Variants in CNOT1 observed in about 807,000 individuals in gnomAD.
The protein encoded by CNOT1 is CCR4-NOT transcription complex subunit 1.
CNOT1 carries 15 observed loss-of-function variants against 273.8 expected under a neutral mutation model. The observed-to-expected ratio is 0.05, with a 90% confidence interval of 0.04 to 0.08. The LOEUF (loss-of-function observed/expected upper bound fraction) is 0.08, where lower values mean the gene tolerates loss of function less well. Among genes scored for constraint, CNOT1 ranks in the 10% least tolerant of loss-of-function variants. The probability of loss-of-function intolerance (pLI) is 1.00; values close to 1 mark genes in which losing one functional copy is unlikely to be tolerated. For missense variants in CNOT1, 1,644 were observed against 2,912.2 expected (o/e 0.56, Z 10.02); for synonymous variants, 1,022 against 1,005.5 (o/e 1.02, Z -0.31).
chr16:58,612,400 A>G (rs1212012153), intron 1 of CNOT1, among the ~76,000 whole-genome samples: 2 of 152,090 alleles, frequency 1.3e-5, no homozygotes, highest in East Asian at 1.9e-4. Context: ...AAAAAGGTCA[A>G]TCTGAGCCTT....
chr16:58,604,828 T>A (rs1434660132), intron 1 of CNOT1, among the ~76,000 whole-genome samples: 42 of 116,864 alleles, frequency 3.6e-4, no homozygotes, highest in Admixed American at 9.7e-4. Flanking sequence ...AAAAAAAAAT[T>A]AAAAAAAAAA....
chr16:58,541,349 T>G, intron 34 of CNOT1, 152 bp downstream of exon 34: 1 of 1,250,792 alleles, frequency 8.0e-7, no homozygotes, highest in South Asian at 1.8e-5. Context: ...TCATACTTAA[T>G]TGGACACAAA....
chr16:58,626,829 ATTT>A (rs1332257536), intron 1 of CNOT1, among the ~76,000 whole-genome samples: 2 of 151,536 alleles, frequency 1.3e-5, no homozygotes, highest in Admixed American at 1.3e-4. Flanking sequence ...ATTTTGCAAA[ATTT>A]TTTTTTAATT....
At chr16:58,539,619 C>T (rs2040025292) in intron 35 of CNOT1, 149 bp downstream of exon 35, 17 of 708,548 alleles carry the variant, frequency 2.4e-5, no homozygotes, top group African/African-American at 5.8e-5. Flanking sequence ...CTACATTCTA[C>T]GTTGGAAAAA....
chr16:58,586,510 A>T (rs979158472), intron 7 of CNOT1, 35 bp downstream of exon 7: 2 of 1,596,314 alleles, frequency 1.3e-6, no homozygotes, highest in Admixed American at 1.7e-5. Context: ...TCATCCAAGA[A>T]AACCACCCAC....
At chr16:58,618,158 A>G (rs1325397210) in intron 1 of CNOT1, among the ~76,000 whole-genome samples, 2 of 152,138 alleles carry the variant, frequency 1.3e-5, no homozygotes, top group Non-Finnish European at 2.9e-5. Context: ...TTTGTGGTGG[A>G]TTGTGTACTT....
chr16:58,559,908 A>C (rs1246738512), intron 17 of CNOT1: 1 of 676,590 alleles, frequency 1.5e-6, no homozygotes, highest in Non-Finnish European at 2.5e-6. Context: ...CAAACAAGAC[A>C]CATCAGGTTC....
intron 16 of CNOT1, among the ~76,000 whole-genome samples, chr16:58,562,552 G>A (rs1055002079): frequency 2.0e-5 from 3 of 151,462 alleles, no homozygotes; most frequent in East Asian, 1.9e-4. Context: ...GGCCAGGCAC[G>A]GTGGCTCACA....
At chr16:58,537,614 T>C (rs920924646) in intron 38 of CNOT1, among the ~76,000 whole-genome samples, 2 of 152,202 alleles carry the variant, frequency 1.3e-5, no homozygotes, top group East Asian at 1.9e-4. Flanking sequence ...TCAATTTGCC[T>C]AAAATCAGAA....
At chr16:58,592,449 A>G (rs1455223070) in intron 2 of CNOT1, among the ~76,000 whole-genome samples, 1 of 152,206 alleles carries the variant, frequency 6.6e-6, no homozygotes, top group Non-Finnish European at 1.5e-5. Context: ...GTGGTGGAGC[A>G]CAGCTATAGT....
chr16:58,548,654 A>C, intron 25 of CNOT1: 1 of 516,084 alleles, frequency 1.9e-6, no homozygotes, highest in South Asian at 1.4e-5. Flanking sequence ...CCAATGACCC[A>C]AGTTATTGAG....
intron 44 of CNOT1, 73 bp downstream of exon 44, chr16:58,528,402 G>C (rs1034485147): frequency 2.8e-6 from 3 of 1,068,556 alleles, no homozygotes; most frequent in African/African-American, 3.1e-5. Context: ...GGAAAGTGCT[G>C]AACAGTCTAC....
Position 58,578,810 on chromosome 16 carries a change from A to T in CNOT1, c.1473T>A (p.Ile491=), listed in dbSNP as rs767449461. ...GGCGCAAGGTATGCCAAGAGGTGTT[A>T]ATTTGTAGTAAGGCCAATACCAGCA... The part of the protein sequence containing the change: ...PDMLVLALLQ[I]NTSWHTLRHE... The change falls in exon 13 of 49, where the codon ATT becomes ATA. Residue 491 remains isoleucine, a synonymous_variant. Coordinates refer to ENST00000317147, the MANE Select transcript of CNOT1 (RefSeq NM_016284.5). 2 of 1,614,008 alleles carry T rather than the reference A, an allele frequency of 1.2e-6. No homozygotes were observed. The highest frequency in any genetic ancestry group is 2.7e-5 in the African/African-American group (2 of 74,904).
chr16:58,571,399 T>C (rs1194612182), intron 16 of CNOT1, among the ~76,000 whole-genome samples: 1 of 150,950 alleles, frequency 6.6e-6, no homozygotes, highest in Non-Finnish European at 1.5e-5. Flanking sequence ...GTACTAAAAG[T>C]ACAAAAAAAA....
In CNOT1 at chr16:58,622,334, G is replaced by T. The variant is rs1296856561; in HGVS notation, c.-175+7394C>A. ...ATCTCAAAAAATGTACCACTCTAGT[G>T]GGGGGGGGGGGGGGGGCGGGCGTGG... On this transcript the variant is annotated intron_variant, in intron 1 of 48. Transcript: ENST00000317147. Among the ~76,000 whole-genome samples, 47 of 5,900 alleles carry T rather than the reference G, an allele frequency of 8.0e-3. 1 individual carries two copies. Among genetic ancestry groups the T allele is most frequent in the African/African-American group, 0.029 (45 of 1,570 alleles). 3.9% of individuals were successfully genotyped at this position (5,900 alleles called of 152,430 possible). A position where few individuals can be genotyped will look rare whatever the true frequency, so the allele number is the denominator to read the frequency against.
chr16:58,570,511 T>C (rs763526214), intron 16 of CNOT1, among the ~76,000 whole-genome samples: 4 of 152,162 alleles, frequency 2.6e-5, no homozygotes, highest in Non-Finnish European at 5.9e-5. Context: ...TGGTGGCACA[T>C]GTTTGTGGTC....
At chr16:58,556,109 T>C (rs1453615181) in intron 19 of CNOT1, among the ~76,000 whole-genome samples, 1 of 152,238 alleles carries the variant, frequency 6.6e-6, no homozygotes, top group Non-Finnish European at 1.5e-5. Flanking sequence ...CCTTCCATAA[T>C]TCTACATTAG....
chr16:58,554,564 T>C (rs1195412581), intron 21 of CNOT1, among the ~76,000 whole-genome samples: 1 of 152,244 alleles, frequency 6.6e-6, no homozygotes, highest in Non-Finnish European at 1.5e-5. Context: ...AGACTTCTAC[T>C]GTACGAAGTA....
Position 58,541,640 on chromosome 16 carries a change from T to C in CNOT1, c.4681-20A>G. ...ACCAACCTTGAAAGAAGAAAACCTA[T>C]TTTGACAGAATTCACTCAATAATCA... On this transcript the variant is annotated intron_variant, in intron 33 of 48. Coordinates refer to ENST00000317147, the MANE Select transcript of CNOT1 (RefSeq NM_016284.5). 1.2e-6 allele frequency: 2 copies of C among 1,607,878 alleles called. No individual in the cohort carries two copies. The highest frequency in any genetic ancestry group is 1.3e-5 in the African/African-American group (1 of 74,496).
Sources: gnomAD v4.1 joint callset for allele counts (sites outside exome capture counted in the v4.1 genomes callset) on GRCh38, gnomAD v4.1.1 for gene constraint, MANE v1.5 for transcripts, NCBI Gene and HGNC (gene_info 2026-07-23, HGNC 2026-07-21) for gene names.